RHOBTB3: variants seen among roughly 807,000 people sequenced by gnomAD.
The protein encoded by RHOBTB3 is Rho related BTB domain containing 3.
A neutral mutation model predicts 67.2 loss-of-function variants in RHOBTB3; 47 were observed. The observed-to-expected ratio is 0.70, with a 90% CI of 0.55 to 0.89. RHOBTB3 has a LOEUF of 0.89. Ranked by LOEUF, RHOBTB3 falls within the 40% of genes least tolerant of loss-of-function variation. The pLI is 0.00. For missense variants in RHOBTB3, 631 were observed against 750.0 expected (o/e 0.84, Z 1.85); for synonymous variants, 273 against 274.2 (o/e 1.00, Z 0.04).
At chr5:95,732,255 C>G (rs1755304333) in intron 2 of RHOBTB3, 171 bp downstream of exon 2, 3 of 657,106 alleles carry the variant, frequency 4.6e-6, no homozygotes, top group Admixed American at 2.4e-5. Context: ...GGGCAGGGAA[C>G]AGCCCTGTCA....
intron 1 of RHOBTB3, among the ~76,000 whole-genome samples, chr5:95,722,459 T>C (rs1754912986): frequency 1.3e-5 from 2 of 152,204 alleles, no homozygotes; most frequent in Non-Finnish European, 2.9e-5. Flanking sequence ...TATTTATTTA[T>C]ATACATCCCT....
intron 5 of RHOBTB3, among the ~76,000 whole-genome samples, chr5:95,754,830 G>A (rs1580408477): frequency 6.6e-6 from 1 of 152,206 alleles, no homozygotes; most frequent in South Asian, 2.1e-4. Context: ...GTTTTCAAAC[G>A]ATCGAGTTCA....
chr5:95,769,043 G>GGCT, intron 8 of RHOBTB3: 1 of 299,796 alleles, frequency 3.3e-6, no homozygotes, highest in Non-Finnish European at 6.7e-6. Context: ...CCAGGTTACT[G>GGCT]GGATCCTCAT....
chr5:95,745,977 G>A (rs1423157318), intron 3 of RHOBTB3, among the ~76,000 whole-genome samples: 5 of 152,046 alleles, frequency 3.3e-5, no homozygotes, highest in East Asian at 1.9e-4. Context: ...CTCTCAAGAA[G>A]GTTTTAAGAA....
chr5:95,787,482 T>G (rs1746257489), intron 10 of RHOBTB3, among the ~76,000 whole-genome samples: 1 of 152,148 alleles, frequency 6.6e-6, no homozygotes, highest in Admixed American at 6.5e-5. Context: ...ATCCTTGAGT[T>G]TTTTTATTAA....
intron 3 of RHOBTB3, among the ~76,000 whole-genome samples, chr5:95,744,369 T>G (rs1183082539): frequency 6.6e-6 from 1 of 152,192 alleles, no homozygotes; most frequent in African/African-American, 2.4e-5. Flanking sequence ...TGTTGTGTGG[T>G]GGCTTTGGAC....
intron 8 of RHOBTB3, chr5:95,769,280 TTGTTGCCAGTAACACTAAGA>T (rs1200046634): frequency 1.3e-4 from 54 of 431,280 alleles, no homozygotes; most frequent in Admixed American, 8.9e-4. Flanking sequence ...GGAGCTAAGC[TTGTTGCCAGTAACACTAAGA>T]TGTTGCCAGT....
chr5:95,764,273 G>A (rs1178811311), intron 7 of RHOBTB3, among the ~76,000 whole-genome samples: 2 of 152,180 alleles, frequency 1.3e-5, no homozygotes, highest in African/African-American at 4.8e-5. Flanking sequence ...GTACAGTTAA[G>A]GTTATTAGAG....
chr5:95,758,985 T>A (rs967132897), intron 6 of RHOBTB3, among the ~76,000 whole-genome samples: 1 of 152,186 alleles, frequency 6.6e-6, no homozygotes, highest in African/African-American at 2.4e-5. Context: ...TGGGGTGAGC[T>A]GTAAGGCTGA....
chr5:95,793,122 C>T lies in RHOBTB3; in HGVS notation c.1784C>T (p.Ala595Val), dbSNP rs148767115. 2.4e-5 allele frequency: 39 copies of T among 1,612,964 alleles called. No individual in the cohort carries two copies. The highest frequency in any genetic ancestry group is 2.9e-5 in the Non-Finnish European group (34 of 1,179,558). ...WPSNMYLKQL[A>V]EYRKYIHSRK... The stretch of plus-strand genomic sequence containing the variant: ...TCGAATATGTACTTGAAGCAGCTTG[C>T]GGAATACAGGAAGTATATTCACTCC... The change falls in exon 12 of 12, where the codon GCG becomes GTG. Residue 595 changes from alanine (A) to valine (V), a missense_variant. Ala to Val is a moderately conservative substitution (Grantham distance 64). Transcript: ENST00000379982.
Position 95,731,526 on chromosome 5 carries a change from G to C in RHOBTB3, c.-157G>C. ...CTCGCTCGCTGGCTGGCGCGGCCCC[G>C]GCCCCGCTCTGCGTCGGCCCCGCCG... On this transcript the variant is annotated 5_prime_UTR_variant, in exon 1 of 12. Transcript: ENST00000379982. 16 of 1,302,274 alleles carry C rather than the reference G, an allele frequency of 1.2e-5. No homozygotes were observed. The highest frequency in any genetic ancestry group is 1.6e-5 in the Non-Finnish European group (16 of 1,030,040). 80.7% of individuals were successfully genotyped at this position (1,302,274 alleles called of 1,614,324 possible). A position where few individuals can be genotyped will look rare whatever the true frequency, so the allele number is the denominator to read the frequency against.
At chr5:95,762,175 A>G (rs1000467511) in intron 6 of RHOBTB3, among the ~76,000 whole-genome samples, 5 of 152,186 alleles carry the variant, frequency 3.3e-5, no homozygotes, top group Non-Finnish European at 7.3e-5. Flanking sequence ...AAAATGGCAA[A>G]TGCTACATAT....
At chr5:95,732,419 G>A in intron 2 of RHOBTB3, 1 of 544,022 alleles carries the variant, frequency 1.8e-6, no homozygotes, top group Non-Finnish European at 3.2e-6. Context: ...GCAAAAAGCA[G>A]TGTTTTTTTA....
chr5:95,789,925 G>A (rs1746328844), intron 11 of RHOBTB3, among the ~76,000 whole-genome samples: 1 of 152,236 alleles, frequency 6.6e-6, no homozygotes, highest in African/African-American at 2.4e-5. Context: ...GGCTGAGGCT[G>A]AAGGATCACT....
chr5:95,735,770 A>G (rs1392275214), intron 2 of RHOBTB3, among the ~76,000 whole-genome samples: 2 of 152,220 alleles, frequency 1.3e-5, no homozygotes, highest in African/African-American at 4.8e-5. Flanking sequence ...TTTTCCTTAC[A>G]TCACTATTCA....
intron 2 of RHOBTB3, chr5:95,732,428 T>G (rs1755315033): frequency 1.9e-6 from 1 of 539,334 alleles, no homozygotes; most frequent in African/African-American, 1.9e-5. Flanking sequence ...AGTGTTTTTT[T>G]ATGTCTACCC....
chr5:95,771,227 C>T (rs938933651), intron 8 of RHOBTB3, among the ~76,000 whole-genome samples: 3 of 152,140 alleles, frequency 2.0e-5, no homozygotes, highest in Admixed American at 1.3e-4. Flanking sequence ...CAAGAAAGAT[C>T]GAAGGAGCTG....
At chr5:95,791,246 A>G (rs1746377863) in intron 11 of RHOBTB3, among the ~76,000 whole-genome samples, 1 of 152,218 alleles carries the variant, frequency 6.6e-6, no homozygotes, top group Non-Finnish European at 1.5e-5. Flanking sequence ...TCATGTCAGT[A>G]CAGGCACAGA....
intron 3 of RHOBTB3, among the ~76,000 whole-genome samples, chr5:95,738,950 T>A (rs989118513): frequency 6.6e-6 from 1 of 152,114 alleles, no homozygotes; most frequent in African/African-American, 2.4e-5. Flanking sequence ...CTTTCTCCCC[T>A]CCTCCCACAC....
Sources: gnomAD v4.1 joint callset for allele counts (sites outside exome capture counted in the v4.1 genomes callset) on GRCh38, gnomAD v4.1.1 for gene constraint, MANE v1.5 for transcripts, NCBI Gene and HGNC (gene_info 2026-07-23, HGNC 2026-07-21) for gene names.